The following LHFPL6 variants were observed in gnomAD, a reference collection of about 807,000 sequenced individuals.
LHFPL6 encodes the protein LHFPL tetraspan subfamily member 6.
In LHFPL6, 9 loss-of-function variants were observed where a neutral mutation model predicts 20.6. The observed-to-expected ratio is 0.44, with a 90% CI of 0.26 to 0.76. The LOEUF (loss-of-function observed/expected upper bound fraction) is 0.76, where lower values mean the gene tolerates loss of function less well. Among genes scored for constraint, LHFPL6 ranks in the 30% least tolerant of loss-of-function variants. The pLI, the probability that LHFPL6 is intolerant of heterozygous loss-of-function variation, is 0.20. For synonymous variants in LHFPL6, 105 were observed against 98.7 expected, an observed-to-expected ratio of 1.06 and a Z score of -0.38; for missense variants, 218 against 253.5, an observed-to-expected ratio of 0.86 and a Z score of 0.95.
intron 2 of LHFPL6, among the ~76,000 whole-genome samples, chr13:39,429,122 A>C (rs2138402811): frequency 6.6e-6 from 1 of 151,894 alleles, no homozygotes; most frequent in Middle Eastern, 3.4e-3. Flanking sequence ...TGTTTGGGAG[A>C]TTACTGTGCA....
intron 2 of LHFPL6, among the ~76,000 whole-genome samples, chr13:39,403,691 T>C (rs1295235818): frequency 1.3e-5 from 2 of 152,208 alleles, no homozygotes; most frequent in East Asian, 1.9e-4. Flanking sequence ...TTGGTGAAAG[T>C]AGTGGTTCAC....
intron 3 of LHFPL6, among the ~76,000 whole-genome samples, chr13:39,351,747 C>T (rs1274434238): frequency 6.6e-6 from 1 of 152,118 alleles, no homozygotes; most frequent in Non-Finnish European, 1.5e-5. Context: ...TTCGCCAGTC[C>T]CAGCAGCCAT....
chr13:39,583,918 G>T (rs970841633), intron 2 of LHFPL6, among the ~76,000 whole-genome samples: 2 of 151,978 alleles, frequency 1.3e-5, no homozygotes, highest in Non-Finnish European at 2.9e-5. Flanking sequence ...ACACCCAAGC[G>T]CCTCGTCTTG....
rs1870136282 is a variant in LHFPL6, at chr13:39,370,442, GAGGT to G, written c.484+7982_484+7985del. 1.3e-5 allele frequency among the ~76,000 whole-genome samples: 2 copies of G among 152,178 alleles called. 1 individual carries two copies. The highest frequency in any genetic ancestry group is 1.3e-4 in the Admixed American group (2 of 15,274). On this transcript the variant is annotated intron_variant, in intron 3 of 3. Coordinates refer to ENST00000379589, the MANE Select transcript of LHFPL6 (RefSeq NM_005780.3). Reference sequence around the variant, plus strand: ...AAATATTCAGTTAATAGTCATTTGGGAGGTAGGACATCATTGCTGCATTAACGGC... The same window carrying G: ...AAATATTCAGTTAATAGTCATTTGGGAGGACATCATTGCTGCATTAACGGC...
intron 2 of LHFPL6, among the ~76,000 whole-genome samples, chr13:39,412,185 G>T (rs552510523): frequency 6.6e-6 from 1 of 152,120 alleles, no homozygotes; most frequent in Non-Finnish European, 1.5e-5. Flanking sequence ...TGAATCAGGA[G>T]ACTATCGATA....
At chr13:39,393,502 C>A (rs1430238233) in intron 2 of LHFPL6, among the ~76,000 whole-genome samples, 1 of 152,124 alleles carries the variant, frequency 6.6e-6, no homozygotes, top group Admixed American at 6.5e-5. Context: ...ACGTGGTCAT[C>A]TCAGGTGAAG....
chr13:39,582,716 T>C (rs985656835), intron 2 of LHFPL6, among the ~76,000 whole-genome samples: 3 of 152,212 alleles, frequency 2.0e-5, no homozygotes, highest in Non-Finnish European at 4.4e-5. Context: ...TTACCCAATA[T>C]GTGTATCTTA....
intron 2 of LHFPL6, among the ~76,000 whole-genome samples, chr13:39,527,625 T>A (rs1370973222): frequency 2.0e-5 from 3 of 152,186 alleles, no homozygotes; most frequent in African/African-American, 4.8e-5. Flanking sequence ...TCTGGTTATA[T>A]ACTCATCATT....
intron 2 of LHFPL6, among the ~76,000 whole-genome samples, chr13:39,569,314 C>T (rs2138528874): frequency 6.6e-6 from 1 of 152,218 alleles, no homozygotes; most frequent in South Asian, 2.1e-4. Context: ...TTCTGGAGTT[C>T]ATAAATGTAA....
chr13:39,528,192 G>C (rs924917988), intron 2 of LHFPL6, among the ~76,000 whole-genome samples: 1 of 151,978 alleles, frequency 6.6e-6, no homozygotes, highest in East Asian at 1.9e-4. Context: ...GGATCTCAGC[G>C]CCCAGGCCAG....
chr13:39,566,731 TAAAAAAA>T (rs3035077), intron 2 of LHFPL6, among the ~76,000 whole-genome samples: 3 of 70,076 alleles, frequency 4.3e-5, no homozygotes, highest in East Asian at 8.3e-4. Context: ...AGACCCTGTC[TAAAAAAA>T]AAAAAAAAAA....
intron 2 of LHFPL6, among the ~76,000 whole-genome samples, chr13:39,520,735 A>C (rs187054266): frequency 3.4e-4 from 52 of 152,300 alleles, no homozygotes; most frequent in South Asian, 2.9e-3. Flanking sequence ...CATTCACCTC[A>C]ATCTCCTGAA....
chr13:39,485,803 C>T (rs925216168), intron 2 of LHFPL6, among the ~76,000 whole-genome samples: 5 of 152,120 alleles, frequency 3.3e-5, no homozygotes, highest in African/African-American at 9.7e-5. Flanking sequence ...CCTCCTATAA[C>T]ATTTATACTT....
chr13:39,496,941 C>G (rs1474032298), intron 2 of LHFPL6, among the ~76,000 whole-genome samples: 1 of 152,122 alleles, frequency 6.6e-6, no homozygotes, highest in African/African-American at 2.4e-5. Flanking sequence ...CAGGTGGCTC[C>G]ATGAAACCTC....
intron 2 of LHFPL6, among the ~76,000 whole-genome samples, chr13:39,417,285 G>A (rs1306880378): frequency 6.6e-6 from 1 of 152,182 alleles, no homozygotes; most frequent in Non-Finnish European, 1.5e-5. Flanking sequence ...TCTGTGTGAA[G>A]CCCTCAACTG....
chr13:39,447,065 G>GC (rs1480214880), intron 2 of LHFPL6, among the ~76,000 whole-genome samples: 1 of 152,158 alleles, frequency 6.6e-6, no homozygotes, highest in Non-Finnish European at 1.5e-5. Flanking sequence ...ACAAATCTAA[G>GC]TTGGCCTTGT....
intron 2 of LHFPL6, among the ~76,000 whole-genome samples, chr13:39,457,933 G>C (rs1872608563): frequency 6.6e-6 from 1 of 152,306 alleles, no homozygotes; most frequent in East Asian, 1.9e-4. Flanking sequence ...TTTGAGAAAA[G>C]AGTGATCAGA....
chr13:39,571,436 AGAG>A (rs776213684), intron 2 of LHFPL6, among the ~76,000 whole-genome samples: 1 of 152,216 alleles, frequency 6.6e-6, no homozygotes, highest in Non-Finnish European at 1.5e-5. Flanking sequence ...CTCAGTCAGT[AGAG>A]GAGGAGACGA....
At chr13:39,441,137 ATTTTTTTTTT>A (rs57695621) in intron 2 of LHFPL6, among the ~76,000 whole-genome samples, 9 of 91,450 alleles carry the variant, frequency 9.8e-5, no homozygotes, top group South Asian at 7.6e-4. Flanking sequence ...ATGCCAACTA[ATTTTTTTTTT>A]TTTTTTTTTT....
Sources: allele counts gnomAD v4.1 joint callset (sites outside exome capture counted in the v4.1 genomes callset), GRCh38; gene constraint gnomAD v4.1.1; transcripts MANE v1.5; gene names NCBI Gene and HGNC (gene_info 2026-07-23, HGNC 2026-07-21).